Variants in NCOR1 observed in about 807,000 individuals in gnomAD.
NCOR1 encodes protein phosphatase 1, regulatory subunit 109.
Under a neutral mutation model 288.1 loss-of-function variants are expected in NCOR1, and 63 were observed. The ratio of observed to expected loss-of-function variants is 0.22; its 90% CI spans 0.18 to 0.27. NCOR1 has a LOEUF of 0.27. Ranked by LOEUF, NCOR1 falls within the 10% of genes least tolerant of loss-of-function variation. The pLI is 1.00. For synonymous variants in NCOR1, 1,007 were observed against 1,065.9 expected, an observed-to-expected ratio of 0.94 and a Z score of 1.08; for missense variants, 2,397 against 3,019.2, an observed-to-expected ratio of 0.79 and a Z score of 4.83.
rs371471581 is a variant in NCOR1, at chr17:16,071,675, G to T, written c.3896-10C>A. The stretch of plus-strand genomic sequence containing the variant: ...GTTGCTCTTGGTGTCCCTTGAAAAA[G>T]AATTCAGGAAACATTAAAATAATGC... On this transcript the variant is annotated splice_polypyrimidine_tract_variant and intron_variant, in intron 29 of 45. Transcript: ENST00000268712. 44 of 1,604,644 alleles carry T rather than the reference G, an allele frequency of 2.7e-5. No individual in the cohort carries two copies. The highest frequency in any genetic ancestry group is 3.5e-5 in the Non-Finnish European group (41 of 1,175,540).
intron 18 of NCOR1, among the ~76,000 whole-genome samples, chr17:16,115,959 C>T (rs2071484124): frequency 6.6e-6 from 1 of 152,090 alleles, no homozygotes; most frequent in Admixed American, 6.6e-5. Flanking sequence ...AAAGACATAC[C>T]CAAGACTGGG....
intron 14 of NCOR1, among the ~76,000 whole-genome samples, chr17:16,130,629 A>T (rs182485370): frequency 2.8e-3 from 427 of 152,288 alleles, no homozygotes; most frequent in African/African-American, 9.2e-3. Context: ...CACATATAAA[A>T]CAAAATGAAA....
chr17:16,104,393 G>A (rs1232504101), intron 19 of NCOR1, among the ~76,000 whole-genome samples: 2 of 152,180 alleles, frequency 1.3e-5, no homozygotes, highest in African/African-American at 4.8e-5. Flanking sequence ...AGCTGTCTGA[G>A]GTACCACGGA....
chr17:16,123,798 G>A (rs1052030810), intron 15 of NCOR1, among the ~76,000 whole-genome samples: 4 of 152,076 alleles, frequency 2.6e-5, no homozygotes, highest in South Asian at 2.1e-4. Context: ...TTAACTGGTC[G>A]TCTGTTGACT....
intron 21 of NCOR1, among the ~76,000 whole-genome samples, chr17:16,095,245 G>C (rs1176952798): frequency 1.4e-5 from 2 of 140,048 alleles, no homozygotes; most frequent in East Asian, 4.5e-4. Context: ...GGAGCACCTC[G>C]GCCCGGCCGC....
At position 16,113,255 on chromosome 17, in the gene NCOR1, A is replaced by G. The variant is rs553452311; in HGVS notation, c.2056-4343T>C. On this transcript the variant is annotated intron_variant, in intron 18 of 45. Coordinates refer to ENST00000268712, the MANE Select transcript of NCOR1 (RefSeq NM_006311.4). ...TAATGAAAAGTAACCATTTTCCAAAAAAAAAAAAATGACTTACTAAAACAG... is the reference window on the plus strand; with the variant it reads ...TAATGAAAAGTAACCATTTTCCAAAGAAAAAAAAATGACTTACTAAAACAG... Among the ~76,000 whole-genome samples, 4 of 152,050 alleles carry G rather than the reference A, an allele frequency of 2.6e-5. No individual in the cohort carries two copies. The East Asian group carries it at 7.7e-4, about 29-fold the overall frequency.
Position 16,187,753 on chromosome 17 carries a change from T to C in NCOR1, c.109-1066A>G, listed in dbSNP as rs1052566528. Among the ~76,000 whole-genome samples, 7 of 151,186 alleles carry C rather than the reference T, an allele frequency of 4.6e-5. No individual in the cohort carries two copies. In the South Asian group the frequency reaches 1.5e-3, roughly 32 times the overall value. ...GACTTCATCTCTACAAAAAATAAATTTAAAAATTAGCCGGGCATTGTGGCA... is the reference window on the plus strand; with the variant it reads ...GACTTCATCTCTACAAAAAATAAATCTAAAAATTAGCCGGGCATTGTGGCA... On this transcript the variant is annotated intron_variant, in intron 2 of 45. Coordinates refer to ENST00000268712, the MANE Select transcript of NCOR1 (RefSeq NM_006311.4).
intron 44 of NCOR1, among the ~76,000 whole-genome samples, chr17:16,036,479 T>C (rs2056396276): frequency 1.3e-5 from 2 of 152,216 alleles, no homozygotes; most frequent in South Asian, 4.1e-4. Context: ...TCAGCCTGTC[T>C]TTTGAAGTTT....
chr17:16,187,316 A>G (rs571529242), intron 2 of NCOR1, among the ~76,000 whole-genome samples: 1 of 151,968 alleles, frequency 6.6e-6, no homozygotes, highest in Admixed American at 6.6e-5. Flanking sequence ...CTAGGTATAT[A>G]CCCCAAAGAA....
chr17:16,039,180 T>G, intron 44 of NCOR1: 1 of 488,286 alleles, frequency 2.0e-6, no homozygotes, highest in Non-Finnish European at 3.7e-6. Context: ...GAGGACTAGG[T>G]GCAAACAAAT....
chr17:16,196,463 C>G (rs1222052970), intron 1 of NCOR1, among the ~76,000 whole-genome samples: 1 of 152,002 alleles, frequency 6.6e-6, no homozygotes, highest in Non-Finnish European at 1.5e-5. Context: ...TAAGGCCAGG[C>G]GTTCAAGACC....
At chr17:16,140,788 T>C (rs1229001771) in intron 11 of NCOR1, among the ~76,000 whole-genome samples, 1 of 151,556 alleles carries the variant, frequency 6.6e-6, no homozygotes, top group Non-Finnish European at 1.5e-5. Context: ...CATTCCAGTC[T>C]GGCTGACAGA....
chr17:16,091,711 T>C lies in NCOR1; in HGVS notation c.3016+152A>G, dbSNP rs148995293. On this transcript the variant is annotated intron_variant, in intron 22 of 45. Coordinates refer to ENST00000268712, the MANE Select transcript of NCOR1 (RefSeq NM_006311.4). ...TAATAATACTAACATTTCTTCATAG[T>C]TTAAGGTCAATTTAAGGAACTGTGT... 3.2e-5 allele frequency: 47 copies of C among 1,464,968 alleles called. 1 individual carries two copies. In the African/African-American group the frequency reaches 5.6e-4, roughly 18 times the overall value. The allele number at this position is 1,464,968 out of a possible 1,614,324, so 90.7% of individuals were successfully genotyped here. A position where few individuals can be genotyped will look rare whatever the true frequency, so the allele number is the denominator to read the frequency against.
At chr17:16,179,848 T>C (rs1383546569) in intron 3 of NCOR1, among the ~76,000 whole-genome samples, 1 of 149,730 alleles carries the variant, frequency 6.7e-6, no homozygotes, top group Non-Finnish European at 1.5e-5. Flanking sequence ...ACCGTGTCTC[T>C]ACTAAAAGTA....
chr17:16,109,347 A>G (rs1242509574), intron 18 of NCOR1, among the ~76,000 whole-genome samples: 1 of 152,068 alleles, frequency 6.6e-6, no homozygotes, highest in East Asian at 1.9e-4. Flanking sequence ...GATCCTAAAT[A>G]TACCGGTACA....
At chr17:16,094,958 A>C (rs1328580927) in intron 21 of NCOR1, among the ~76,000 whole-genome samples, 2 of 151,696 alleles carry the variant, frequency 1.3e-5, no homozygotes, top group South Asian at 2.1e-4. Context: ...CCCAAAGTGC[A>C]GAGATTGCAG....
intron 10 of NCOR1, among the ~76,000 whole-genome samples, chr17:16,145,729 G>A (rs1003631361): frequency 6.6e-6 from 1 of 151,672 alleles, no homozygotes; most frequent in African/African-American, 2.4e-5. Context: ...GGCAGCCCCT[G>A]CCCAGTCAGC....
chr17:16,074,973 T>C (rs2062239321), intron 27 of NCOR1, among the ~76,000 whole-genome samples: 1 of 152,174 alleles, frequency 6.6e-6, no homozygotes, highest in African/African-American at 2.4e-5. Flanking sequence ...GTTCACGCCA[T>C]TCTCCTGGCT....
chr17:16,067,968 G>A lies in NCOR1; in HGVS notation c.4667C>T (p.Ala1556Val), dbSNP rs2152698266. ...PFDPHHRGST[A>V]GEVYRSHLPT... Reference sequence around the variant, plus strand: ...CAGGTGGCTCCGATAAACCTCGCCTGCAGTGCTGCCTCTGTGATGGGGATC... The same window carrying A: ...CAGGTGGCTCCGATAAACCTCGCCTACAGTGCTGCCTCTGTGATGGGGATC... Residue 1556 changes from alanine to valine, a missense_variant, in exon 32 of 46, where the codon GCA (alanine) becomes GTA (valine). Ala to Val is a moderately conservative substitution (Grantham distance 64). Coordinates refer to ENST00000268712, the MANE Select transcript of NCOR1 (RefSeq NM_006311.4). 2 of 1,614,216 alleles carry A rather than the reference G, an allele frequency of 1.2e-6. No homozygotes were observed. Among genetic ancestry groups the A allele is most frequent in the Non-Finnish European group, 1.7e-6 (2 of 1,180,030 alleles).
Sources: allele counts gnomAD v4.1 joint callset (sites outside exome capture counted in the v4.1 genomes callset), GRCh38; gene constraint gnomAD v4.1.1; transcripts MANE v1.5; gene names NCBI Gene and HGNC (gene_info 2026-07-23, HGNC 2026-07-21).